The following SHQ1 variants were observed in gnomAD, a reference collection of about 807,000 sequenced individuals.
SHQ1 encodes protein SHQ1 homolog.
SHQ1 carries 49 observed loss-of-function variants against 53.8 expected under a neutral mutation model. That is an observed-to-expected ratio of 0.91 (90% CI 0.72 to 1.16). The LOEUF (loss-of-function observed/expected upper bound fraction) is 1.16, where lower values mean the gene tolerates loss of function less well. SHQ1 is among the 50% of genes most tolerant of loss of function. The probability of loss-of-function intolerance (pLI) is 0.00; values close to 1 mark genes in which losing one functional copy is unlikely to be tolerated. For synonymous variants in SHQ1, 243 were observed against 251.0 expected (o/e 0.97, Z 0.30); for missense variants, 738 against 683.1 (o/e 1.08, Z -0.90).
At chr3:72,769,316 G>C (rs766019089) in intron 10 of SHQ1, among the ~76,000 whole-genome samples, 1 of 152,196 alleles carries the variant, frequency 6.6e-6, no homozygotes, top group Non-Finnish European at 1.5e-5. Flanking sequence ...ATTTTTAAGT[G>C]TTGACAACCA....
chr3:72,750,307 C>T lies in SHQ1; in HGVS notation c.1711G>A (p.Gly571Ser), dbSNP rs143610551. 40 of 1,609,200 alleles carry T rather than the reference C, an allele frequency of 2.5e-5. No homozygotes were observed. Among genetic ancestry groups the T allele is most frequent in the Non-Finnish European group, 3.0e-5 (35 of 1,178,006 alleles). The change falls in exon 11 of 11, where the codon GGC (glycine) becomes AGC (serine). Residue 571 changes from glycine (G) to serine (S), a missense_variant. Gly to Ser is a moderately conservative substitution (Grantham distance 56, BLOSUM62 0). Transcript: ENST00000325599. ...AGTCAATTATTTGGTGTCTGACAGCCGTCTCTCTCCTGAATATTGCTGCGG... is the reference window on the plus strand; with the variant it reads ...AGTCAATTATTTGGTGTCTGACAGCTGTCTCTCTCCTGAATATTGCTGCGG... ...VNRSNIQERD[G>S]CQTPNN
intron 10 of SHQ1, chr3:72,753,131 A>G: frequency 1.0e-6 from 1 of 985,424 alleles, no homozygotes; most frequent in Non-Finnish European, 1.2e-6. Flanking sequence ...TCTTAAGGGG[A>G]AATCTGATGT....
At chr3:72,827,431 T>C (rs79552609) in intron 5 of SHQ1, among the ~76,000 whole-genome samples, 4,480 of 151,166 alleles carry the variant, frequency 0.03, 190 homozygotes, top group African/African-American at 0.089. Context: ...AAGGCAAGAG[T>C]AAAGGAGCCT....
intron 4 of SHQ1, among the ~76,000 whole-genome samples, chr3:72,837,811 C>CA (rs1420308041): frequency 6.6e-6 from 1 of 152,200 alleles, no homozygotes; most frequent in Non-Finnish European, 1.5e-5. Context: ...TTACGGCTGC[C>CA]ATAAACAGCA....
At chr3:72,751,535 T>TATATATATATATATATATATACAC (rs1444853961) in intron 10 of SHQ1, among the ~76,000 whole-genome samples, 1 of 139,922 alleles carries the variant, frequency 7.1e-6, no homozygotes. Flanking sequence ...TATATACATA[T>TATATATATATATATATATATACAC]ACATACACTA....
At chr3:72,825,361 TACACACACACACAC>T (rs61048915) in intron 5 of SHQ1, among the ~76,000 whole-genome samples, 19 of 141,968 alleles carry the variant, frequency 1.3e-4, no homozygotes, top group East Asian at 4.1e-4. Flanking sequence ...TAAAAGGGGC[TACACACACACACAC>T]ACACACACAC....
At chr3:72,786,992 G>T (rs1706252122) in intron 10 of SHQ1, among the ~76,000 whole-genome samples, 1 of 152,160 alleles carries the variant, frequency 6.6e-6, no homozygotes, top group African/African-American at 2.4e-5. Flanking sequence ...CATGCACATA[G>T]AAAGCAACTC....
chr3:72,796,881 A>T (rs1008103387), intron 9 of SHQ1, among the ~76,000 whole-genome samples: 1 of 151,764 alleles, frequency 6.6e-6, no homozygotes, highest in South Asian at 2.1e-4. Context: ...TTTTAATTTA[A>T]AGAGAAGAAA....
rs138548447 is a variant in SHQ1 at position 72,848,292 on chromosome 3, T to C, written c.49A>G (p.Ile17Val). ...CGGGCGTAGGGCACGCGGATGGCGA[T>C]AGTCAGGAAGTCCGGATCCTGGCTG... ...DLSQDPDFLT[I>V]AIRVPYARVS... Residue 17 changes from isoleucine (I) to valine (V), a missense_variant, in exon 1 of 11, where the codon ATC (isoleucine) becomes GTC (valine). Ile to Val is a conservative substitution (Grantham distance 29). Transcript: ENST00000325599. 86 of 1,614,004 alleles carry C rather than the reference T, an allele frequency of 5.3e-5. No individual in the cohort carries two copies. Among genetic ancestry groups the C allele is most frequent in the Non-Finnish European group, 7.1e-5 (84 of 1,180,012 alleles).
the SHQ1 span, among the ~76,000 whole-genome samples, chr3:72,738,840 A>T: frequency 1.3e-5 from 2 of 152,246 alleles, no homozygotes; most frequent in Non-Finnish European, 1.5e-5. Flanking sequence ...TCCTCCAGGC[A>T]CCTGCCCTGG....
chr3:72,763,546 C>T (rs1705654127), intron 10 of SHQ1, among the ~76,000 whole-genome samples: 1 of 152,222 alleles, frequency 6.6e-6, no homozygotes, highest in Admixed American at 6.5e-5. Flanking sequence ...CTGTGAATGT[C>T]ACCTGTTTTG....
Position 72,848,304 on chromosome 3 carries a change from C to T in SHQ1, c.37G>A (p.Asp13Asn), listed in dbSNP as rs769998067. ...ACGCGGATGGCGATAGTCAGGAAGTCCGGATCCTGGCTGAGGTCGAACGCC... is the reference window on the plus strand; with the variant it reads ...ACGCGGATGGCGATAGTCAGGAAGTTCGGATCCTGGCTGAGGTCGAACGCC... Reference protein sequence around the residue: ...TPAFDLSQDPDFLTIAIRVPY... With the variant: ...TPAFDLSQDPNFLTIAIRVPY... Residue 13 changes from aspartate (D) to asparagine (N), a missense_variant, in exon 1 of 11, where the codon GAC becomes AAC. Asp to Asn is a conservative substitution (Grantham distance 23). Coordinates refer to ENST00000325599, the MANE Select transcript of SHQ1 (RefSeq NM_018130.3). 2.0e-5 allele frequency: 32 copies of T among 1,614,016 alleles called. No individual in the cohort carries two copies. Among genetic ancestry groups the T allele is most frequent in the East Asian group, 4.5e-5 (2 of 44,872 alleles).
At chr3:72,803,451 G>A (rs1281375730) in intron 9 of SHQ1, among the ~76,000 whole-genome samples, 2 of 152,122 alleles carry the variant, frequency 1.3e-5, no homozygotes, top group African/African-American at 2.4e-5. Flanking sequence ...CTACTCTAAT[G>A]TGAGCCAACT....
intron 10 of SHQ1, among the ~76,000 whole-genome samples, chr3:72,778,519 T>TCATGAA (rs570377801): frequency 1.3e-3 from 198 of 152,270 alleles, no homozygotes; most frequent in African/African-American, 4.5e-3. Context: ...TTCAGTTCAT[T>TCATGAA]ACTATTCTTT....
intron 10 of SHQ1, among the ~76,000 whole-genome samples, chr3:72,759,465 C>T (rs550906823): frequency 6.6e-6 from 1 of 150,596 alleles, no homozygotes; most frequent in African/African-American, 2.5e-5. Flanking sequence ...CCAAGGTGGG[C>T]GGATCACTTG....
intron 10 of SHQ1, among the ~76,000 whole-genome samples, chr3:72,759,275 C>T (rs1353995833): frequency 6.6e-6 from 1 of 152,136 alleles, no homozygotes; most frequent in Admixed American, 6.5e-5. Flanking sequence ...ACACAGTACA[C>T]CCTGTAGAGC....
intron 10 of SHQ1, chr3:72,753,056 GT>G: frequency 3.0e-6 from 3 of 985,118 alleles, no homozygotes; most frequent in Non-Finnish European, 3.6e-6. Context: ...GATGCATTTA[GT>G]TGTTTTTTGT....
chr3:72,754,961 G>T (rs1159992074), intron 10 of SHQ1, among the ~76,000 whole-genome samples: 1 of 152,100 alleles, frequency 6.6e-6, no homozygotes, highest in Admixed American at 6.6e-5. Flanking sequence ...CTTTGTTATT[G>T]TCTACTATAC....
the SHQ1 span, among the ~76,000 whole-genome samples, chr3:72,729,183 AT>A: frequency 6.6e-6 from 1 of 152,198 alleles, no homozygotes; most frequent in East Asian, 1.9e-4. Context: ...TGCCAGGAGC[AT>A]AAATAGTCAC....
Sources: gnomAD v4.1 joint callset for allele counts (sites outside exome capture counted in the v4.1 genomes callset) on GRCh38, gnomAD v4.1.1 for gene constraint, MANE v1.5 for transcripts, NCBI Gene and HGNC (gene_info 2026-07-23, HGNC 2026-07-21) for gene names.